PRH1: variants seen among roughly 807,000 people sequenced by gnomAD.
PRH1 encodes proline rich protein HaeIII subfamily 1, also known as salivary acidic proline-rich phosphoprotein 1/2.
Under a neutral mutation model 7.9 loss-of-function variants are expected in PRH1, and 7 were observed. The ratio of observed to expected loss-of-function variants is 0.89; its 90% CI spans 0.50 to 1.67. PRH1 has a LOEUF of 1.67. PRH1 is among the 40% of genes most tolerant of loss of function. The pLI, the probability that PRH1 is intolerant of heterozygous loss-of-function variation, is 0.00. For missense variants in PRH1, 109 were observed against 223.6 expected (o/e 0.49, Z 3.27); for synonymous variants, 45 against 80.8 (o/e 0.56, Z 2.38).
Position 11,089,344 on chromosome 12 carries a change from C to A in PRH1, n.124-42156G>T, listed in dbSNP as rs972126538. Among the ~76,000 whole-genome samples, 6 of 115,840 alleles carry A rather than the reference C, an allele frequency of 5.2e-5. 1 individual carries two copies. Among genetic ancestry groups the A allele is most frequent in the Admixed American group, 8.6e-5 (1 of 11,592 alleles). 76.0% of individuals were successfully genotyped at this position (115,840 alleles called of 152,430 possible). ...ATAAGAAATAGAAGACTAATGACAG[C>A]CGAGCAGATACATTCTCCCTCCTCT... On this transcript the variant is annotated intron_variant and non_coding_transcript_variant, in intron 1 of 4. Coordinates refer to the PRH1 transcript ENST00000541977.
chr12:10,966,760 A>C (rs1938518364), intron 2 of PRH1, among the ~76,000 whole-genome samples: 1 of 152,158 alleles, frequency 6.6e-6, no homozygotes, highest in Non-Finnish European at 1.5e-5. Flanking sequence ...TTGTGTCAGG[A>C]ATAGAGGAGC....
At chr12:11,016,579 G>A (rs922088736) in intron 1 of PRH1, among the ~76,000 whole-genome samples, 5 of 152,146 alleles carry the variant, frequency 3.3e-5, no homozygotes, top group African/African-American at 1.2e-4. Context: ...GGCCTCAAGA[G>A]ATATTCCCAC....
chr12:11,130,011 C>T (rs1445562586), intron 1 of PRH1, among the ~76,000 whole-genome samples: 1 of 152,096 alleles, frequency 6.6e-6, no homozygotes, highest in Non-Finnish European at 1.5e-5. Flanking sequence ...ATTAGCCAGG[C>T]ATGGTGTTGT....
intron 2 of PRH1, among the ~76,000 whole-genome samples, chr12:10,893,644 C>T (rs541481848): frequency 5.3e-4 from 81 of 152,272 alleles, no homozygotes; most frequent in African/African-American, 1.6e-3. Flanking sequence ...TTTATTCACA[C>T]ATTTAAAATT....
chr12:11,020,364 ATAT>A (rs778007385), intron 1 of PRH1, among the ~76,000 whole-genome samples: 25,637 of 132,882 alleles, frequency 0.19, 3,106 homozygotes, highest in Non-Finnish European at 0.25. Flanking sequence ...ATGATAAGCG[ATAT>A]ATATATATAT....
intron 1 of PRH1, among the ~76,000 whole-genome samples, chr12:11,158,183 A>G (rs927065672): frequency 6.6e-6 from 1 of 152,156 alleles, no homozygotes; most frequent in African/African-American, 2.4e-5. Context: ...TTAAAATAAT[A>G]CATGATCTTC....
intron 2 of PRH1, among the ~76,000 whole-genome samples, chr12:10,970,730 A>G (rs1938772522): frequency 1.3e-5 from 2 of 151,804 alleles, no homozygotes; most frequent in South Asian, 4.2e-4. Flanking sequence ...ACAATCAGCT[A>G]ATTTTTTGTA....
intron 1 of PRH1, among the ~76,000 whole-genome samples, chr12:11,007,964 G>A (rs928974324): frequency 2.6e-5 from 4 of 151,790 alleles, no homozygotes; most frequent in Non-Finnish European, 4.4e-5. Flanking sequence ...TTTTTAAAAT[G>A]ATGCTAAATG....
chr12:10,965,360 C>T (rs1474743256), intron 2 of PRH1: 2 of 1,112,680 alleles, frequency 1.8e-6, no homozygotes, highest in East Asian at 4.0e-5. Context: ...CATGTCTGAA[C>T]AGACAAAAAG....
intron 1 of PRH1, among the ~76,000 whole-genome samples, chr12:10,977,467 G>A (rs1336728583): frequency 6.6e-6 from 1 of 152,116 alleles, no homozygotes; most frequent in African/African-American, 2.4e-5. Context: ...TACCGAATGA[G>A]CAAAACTGGA....
intron 1 of PRH1, among the ~76,000 whole-genome samples, chr12:11,128,467 G>A (rs530815866): frequency 3.3e-5 from 5 of 152,072 alleles, no homozygotes; most frequent in African/African-American, 1.2e-4. Context: ...TATAAAAAGC[G>A]GGCGCAGTGG....
chr12:11,018,412 C>A (rs1197957720), intron 1 of PRH1, among the ~76,000 whole-genome samples: 1 of 152,232 alleles, frequency 6.6e-6, no homozygotes, highest in African/African-American at 2.4e-5. Flanking sequence ...TGGACACAAA[C>A]ATGTGCTTCC....
chr12:11,105,384 T>C (rs1172064082), intron 1 of PRH1, among the ~76,000 whole-genome samples: 1 of 152,168 alleles, frequency 6.6e-6, no homozygotes, highest in African/African-American at 2.4e-5. Flanking sequence ...CATCTATGTG[T>C]ACCTGATTCC....
chr12:11,058,681 C>CGACTAGAGCAT (rs1283299522), intron 1 of PRH1, among the ~76,000 whole-genome samples: 2,090 of 145,152 alleles, frequency 0.014, no homozygotes, highest in Middle Eastern at 0.022. Flanking sequence ...GAATTCAAAG[C>CGACTAGAGCAT]TGTTAGAGGC....
intron 1 of PRH1, among the ~76,000 whole-genome samples, chr12:11,134,842 T>G (rs1592084594): frequency 6.6e-6 from 1 of 152,144 alleles, no homozygotes. Flanking sequence ...AGGCCAATAC[T>G]CCATAAGATC....
intron 1 of PRH1, among the ~76,000 whole-genome samples, chr12:11,016,814 G>C (rs1233532794): frequency 6.6e-6 from 1 of 152,154 alleles, no homozygotes; most frequent in African/African-American, 2.4e-5. Context: ...GACATTATTA[G>C]AGCAGAACCA....
chr12:11,065,097 TAA>T (rs1256176062), intron 1 of PRH1, among the ~76,000 whole-genome samples: 6 of 152,124 alleles, frequency 3.9e-5, no homozygotes, highest in African/African-American at 1.4e-4. Flanking sequence ...AATATCATTT[TAA>T]GTTTCTGTTT....
At chr12:10,909,572 T>C (rs998037430) in intron 2 of PRH1, 2 of 394,522 alleles carry the variant, frequency 5.1e-6, no homozygotes, top group African/African-American at 2.1e-5. Context: ...AAATATTTCA[T>C]AGATGATTAT....
chr12:11,044,119 A>G (rs1047419345), intron 1 of PRH1, among the ~76,000 whole-genome samples: 1 of 152,168 alleles, frequency 6.6e-6, no homozygotes, highest in Non-Finnish European at 1.5e-5. Context: ...AATAGAATAG[A>G]CAACTTGGAA....
Sources: allele counts gnomAD v4.1 joint callset (sites outside exome capture counted in the v4.1 genomes callset), GRCh38; gene constraint gnomAD v4.1.1; transcripts MANE v1.5; gene names NCBI Gene and HGNC (gene_info 2026-07-23, HGNC 2026-07-21).